SHISA6: variants seen among roughly 807,000 people sequenced by gnomAD.
SHISA6 encodes shisa family member 6, also known as protein shisa-6.
SHISA6 carries 22 observed loss-of-function variants against 47.9 expected under a neutral mutation model. That is an observed-to-expected ratio of 0.46 (90% CI 0.33 to 0.66). The LOEUF is 0.66. Among genes scored for constraint, SHISA6 ranks in the 30% least tolerant of loss-of-function variants. SHISA6 has a pLI of 0.02. For synonymous variants in SHISA6, 388 were observed against 337.8 expected (o/e 1.15, Z -1.63); for missense variants, 680 against 764.6 (o/e 0.89, Z 1.30).
chr17:11,526,001 C>G (rs1270084831), intron 3 of SHISA6, among the ~76,000 whole-genome samples: 1 of 132,898 alleles, frequency 7.5e-6, no homozygotes, highest in Non-Finnish European at 1.6e-5. Context: ...AAGCGAGACC[C>G]TATCTTAAAA....
rs535336402 is a variant in SHISA6, at chr17:11,276,534, T to C, written c.799+13008T>C. Among the ~76,000 whole-genome samples, 3 of 152,286 alleles carry C rather than the reference T, an allele frequency of 2.0e-5. No homozygotes were observed. The East Asian group carries it at 5.8e-4, about 29-fold the overall frequency. Reference sequence around the variant, plus strand: ...ACTAGTTGTTAACGTTGTAACATATTTGCTTCTCTTTATCTCTCTGTCTTC... The same window carrying C: ...ACTAGTTGTTAACGTTGTAACATATCTGCTTCTCTTTATCTCTCTGTCTTC... On this transcript the variant is annotated intron_variant, in intron 2 of 5. Coordinates refer to ENST00000441885, the MANE Select transcript of SHISA6 (RefSeq NM_207386.4).
chr17:11,378,028 C>T (rs1202807791), intron 2 of SHISA6, among the ~76,000 whole-genome samples: 2 of 152,216 alleles, frequency 1.3e-5, no homozygotes. Context: ...CATGCATTAG[C>T]TGTCTGTTCT....
At chr17:11,329,472 C>G (rs1165857008) in intron 2 of SHISA6, among the ~76,000 whole-genome samples, 1 of 152,110 alleles carries the variant, frequency 6.6e-6, no homozygotes, top group African/African-American at 2.4e-5. Flanking sequence ...CATCTTCTCT[C>G]CAATTAATAC....
chr17:11,351,929 G>A (rs58887866), intron 2 of SHISA6, among the ~76,000 whole-genome samples: 9,192 of 152,198 alleles, frequency 0.06, 428 homozygotes, highest in African/African-American at 0.13. Flanking sequence ...ATGGGCAGTG[G>A]GGAGAAAGTA....
intron 3 of SHISA6, among the ~76,000 whole-genome samples, chr17:11,425,212 CA>C (rs1914577999): frequency 6.6e-6 from 1 of 151,632 alleles, no homozygotes; most frequent in African/African-American, 2.4e-5. Context: ...AGAGGTAACT[CA>C]ACATGGTAAG....
At chr17:11,460,611 G>A (rs1395651993) in intron 3 of SHISA6, among the ~76,000 whole-genome samples, 2 of 152,098 alleles carry the variant, frequency 1.3e-5, no homozygotes, top group African/African-American at 4.8e-5. Context: ...GGCTGGTCTC[G>A]AACTCCTGCC....
At chr17:11,522,447 G>A (rs2142363997) in intron 3 of SHISA6, among the ~76,000 whole-genome samples, 1 of 152,184 alleles carries the variant, frequency 6.6e-6, no homozygotes, top group Admixed American at 6.5e-5. Context: ...TTTTAATTTT[G>A]TATAGAGAAG....
At chr17:11,283,370 C>T (rs1909188171) in intron 2 of SHISA6, among the ~76,000 whole-genome samples, 2 of 152,184 alleles carry the variant, frequency 1.3e-5, no homozygotes, top group South Asian at 4.1e-4. Context: ...CCATTGCACA[C>T]CAGTGGATAT....
At position 11,559,256 on chromosome 17, in the gene SHISA6, CTCTG is replaced by C. The variant is rs1196116873; in HGVS notation, c.*953_*956del. ...ACTCAGGCTGCCTTCTCCACCCCTG[CTCTG>C]CTCCCAGGAGGCACCTGCGGTGGCC... On this transcript the variant is annotated 3_prime_UTR_variant, in exon 6 of 6. Coordinates refer to ENST00000441885, the MANE Select transcript of SHISA6 (RefSeq NM_207386.4). The surrounding 1 kb of genome is among the most constrained non-coding windows in gnomAD (Gnocchi z 4.4). 1.3e-5 allele frequency: 2 copies of C among 152,724 alleles called. No individual in the cohort carries two copies. The highest frequency in any genetic ancestry group is 3.8e-4 in the East Asian group (2 of 5,202). 9.5% of individuals were successfully genotyped at this position (152,724 alleles called of 1,614,324 possible).
intron 3 of SHISA6, among the ~76,000 whole-genome samples, chr17:11,537,248 G>C (rs540310192): frequency 3.9e-5 from 6 of 152,180 alleles, no homozygotes; most frequent in Admixed American, 3.9e-4. Flanking sequence ...AGGGCTTCTG[G>C]GGTAAAGGGA....
intron 2 of SHISA6, among the ~76,000 whole-genome samples, chr17:11,271,884 GC>G (rs1908682750): frequency 6.6e-6 from 1 of 151,708 alleles, no homozygotes; most frequent in South Asian, 2.1e-4. Context: ...CCCCTCCTGC[GC>G]CCTTCTCTAG....
Position 11,462,697 on chromosome 17 carries a change from G to C in SHISA6, c.895+83188G>C, listed in dbSNP as rs377452406. On this transcript the variant is annotated intron_variant, in intron 3 of 5. Coordinates refer to ENST00000441885, the MANE Select transcript of SHISA6 (RefSeq NM_207386.4). ...GTCCAGAGTGCAATGGCACGATCTC[G>C]GCTCACTGCACCCTCCACTTCCCAG... Among the ~76,000 whole-genome samples the C allele has an allele frequency of 1.2e-4, 19 of 152,122 alleles. 1 individual carries two copies. The highest frequency in any genetic ancestry group is 4.6e-4 in the Admixed American group (7 of 15,284).
chr17:11,287,306 G>A (rs1282159461), intron 2 of SHISA6, among the ~76,000 whole-genome samples: 3 of 151,040 alleles, frequency 2.0e-5, no homozygotes, highest in Non-Finnish European at 4.4e-5. Flanking sequence ...AGGAAGGAAG[G>A]AAGGGAAGCT....
At chr17:11,489,324 A>G (rs945746042) in intron 3 of SHISA6, among the ~76,000 whole-genome samples, 2 of 151,686 alleles carry the variant, frequency 1.3e-5, no homozygotes, top group South Asian at 2.1e-4. Context: ...CCTTTTATCT[A>G]TTTTTTGCAA....
At position 11,450,437 on chromosome 17, in the gene SHISA6, A is replaced by C. The variant is rs147284514; in HGVS notation, c.895+70928A>C. On this transcript the variant is annotated intron_variant, in intron 3 of 5. Transcript: ENST00000441885. ...TTTGGGAGGCCGAGGTGGGCGGATC[A>C]CCTGAGGTCAGGAGTTTGAGACCAG... Among the ~76,000 whole-genome samples the C allele has an allele frequency of 7.4e-3, 1,123 of 152,076 alleles. 13 individuals carry two copies. The highest frequency in any genetic ancestry group is 0.024 in the African/African-American group (1,014 of 41,524).
At chr17:11,294,272 C>T (rs1442684316) in intron 2 of SHISA6, among the ~76,000 whole-genome samples, 14 of 152,236 alleles carry the variant, frequency 9.2e-5, no homozygotes, top group Admixed American at 6.5e-4. Context: ...GGCTCCCATA[C>T]AGTCTTCACT....
intron 3 of SHISA6, among the ~76,000 whole-genome samples, chr17:11,525,869 C>G (rs960559658): frequency 6.6e-6 from 1 of 151,830 alleles, no homozygotes; most frequent in African/African-American, 2.4e-5. Flanking sequence ...ATTGGCTGGG[C>G]ATGGTGGTGC....
At chr17:11,504,304 T>C (rs1337951319) in intron 3 of SHISA6, among the ~76,000 whole-genome samples, 1 of 152,282 alleles carries the variant, frequency 6.6e-6, no homozygotes, top group Non-Finnish European at 1.5e-5. Flanking sequence ...TTAGTATCCG[T>C]GAAAGCTCCA....
intron 3 of SHISA6, among the ~76,000 whole-genome samples, chr17:11,515,361 G>GAAGGAAGA: frequency 6.8e-6 from 1 of 146,146 alleles, no homozygotes; most frequent in South Asian, 2.2e-4. Context: ...AGGAAGGAAG[G>GAAGGAAGA]AAGGGAGAGA....
Sources: allele counts gnomAD v4.1 joint callset (sites outside exome capture counted in the v4.1 genomes callset), GRCh38; gene constraint gnomAD v4.1.1; non-coding constraint Gnocchi (gnomAD v3.1); transcripts MANE v1.5; gene names NCBI Gene and HGNC (gene_info 2026-07-23, HGNC 2026-07-21).